CACNA2D3: variants seen among roughly 807,000 people sequenced by gnomAD.
CACNA2D3 encodes voltage-dependent calcium channel subunit alpha-2/delta-3.
Under a neutral mutation model 160.6 loss-of-function variants are expected in CACNA2D3, and 60 were observed. That is an observed-to-expected ratio of 0.37 (90% CI 0.30 to 0.46). The LOEUF (loss-of-function observed/expected upper bound fraction) is 0.46, where lower values mean the gene tolerates loss of function less well. Among genes scored for constraint, CACNA2D3 ranks in the 20% least tolerant of loss-of-function variants. The pLI, the probability that CACNA2D3 is intolerant of heterozygous loss-of-function variation, is 1.00. For missense variants in CACNA2D3, 1,205 were observed against 1,365.0 expected (o/e 0.88, Z 1.85); for synonymous variants, 558 against 492.9 (o/e 1.13, Z -1.75).
chr3:54,189,402 G>T (rs1700940013), intron 2 of CACNA2D3, among the ~76,000 whole-genome samples: 1 of 152,186 alleles, frequency 6.6e-6, no homozygotes, highest in African/African-American at 2.4e-5. Context: ...CTTACCTTAA[G>T]ACCATTTAGG....
chr3:54,987,262 C>T (rs555150407), intron 30 of CACNA2D3, among the ~76,000 whole-genome samples: 12 of 152,248 alleles, frequency 7.9e-5, no homozygotes, highest in African/African-American at 2.6e-4. Flanking sequence ...CTAAACAGGT[C>T]GTCCAGGAAT....
intron 27 of CACNA2D3, among the ~76,000 whole-genome samples, chr3:54,944,254 C>T (rs1037411868): frequency 6.6e-6 from 1 of 151,914 alleles, no homozygotes; most frequent in African/African-American, 2.4e-5. Context: ...AAATGCATAT[C>T]CTTCAGTTCT....
rs983888760 is a variant in CACNA2D3 at position 54,867,148 on chromosome 3, G to A, written c.1627-4391G>A. 4.6e-5 allele frequency among the ~76,000 whole-genome samples: 7 copies of A among 152,128 alleles called. No homozygotes were observed. In the South Asian group the frequency reaches 8.3e-4, roughly 18 times the overall value. ...TAGGCCCCGGTAACCAACTCCTCAC[G>A]CAGAAGAAGAAGAAGTGGTGGAGCC... On this transcript the variant is annotated intron_variant, in intron 17 of 37. Transcript: ENST00000474759.
intron 17 of CACNA2D3, among the ~76,000 whole-genome samples, chr3:54,848,524 G>C (rs1380262490): frequency 6.7e-6 from 1 of 149,792 alleles, no homozygotes; most frequent in Non-Finnish European, 1.5e-5. Flanking sequence ...AGACCTGTTG[G>C]TCATCTGTCC....
At chr3:54,219,801 G>A (rs886087848) in intron 2 of CACNA2D3, among the ~76,000 whole-genome samples, 3 of 152,140 alleles carry the variant, frequency 2.0e-5, no homozygotes, top group South Asian at 2.1e-4. Context: ...TGAAAGCTTG[G>A]TGGTTGTGCT....
chr3:54,945,751 A>G (rs189134498), intron 27 of CACNA2D3, among the ~76,000 whole-genome samples: 1 of 152,202 alleles, frequency 6.6e-6, no homozygotes, highest in African/African-American at 2.4e-5. Context: ...GCTTTTTTCA[A>G]GATTATAGGT....
intron 12 of CACNA2D3, among the ~76,000 whole-genome samples, chr3:54,761,713 A>G (rs955136775): frequency 1.3e-5 from 2 of 152,154 alleles, no homozygotes; most frequent in Non-Finnish European, 1.5e-5. Flanking sequence ...TTCCCCTGGG[A>G]TGGGAAAGGC....
intron 9 of CACNA2D3, chr3:54,626,110 T>C (rs1266277735): frequency 1.7e-6 from 1 of 596,082 alleles, no homozygotes; most frequent in East Asian, 2.8e-5. Context: ...AAAGTGGGGA[T>C]GCCTTTGGGG....
chr3:54,872,261 G>A (rs889800571), intron 18 of CACNA2D3, among the ~76,000 whole-genome samples: 1 of 152,180 alleles, frequency 6.6e-6, no homozygotes, highest in Admixed American at 6.5e-5. Flanking sequence ...AACCCTGTCA[G>A]GTCTTCTTGG....
intron 3 of CACNA2D3, among the ~76,000 whole-genome samples, chr3:54,370,929 A>G (rs1398382302): frequency 1.3e-5 from 2 of 150,606 alleles, no homozygotes; most frequent in East Asian, 1.9e-4. Context: ...TTCTGTTTCT[A>G]TGGATTTGCC....
chr3:54,615,562 A>G (rs1315861473), intron 9 of CACNA2D3, among the ~76,000 whole-genome samples: 1 of 152,266 alleles, frequency 6.6e-6, no homozygotes, highest in Non-Finnish European at 1.5e-5. Context: ...CACAATGAGT[A>G]GATCTTAACA....
rs1322641402 is a variant in CACNA2D3 at position 54,838,509 on chromosome 3, T to G, written c.1471-59T>G. ...GACGGTATGTGACTTCTCGTGAGATTCTATTTCTTTTGCCAAGTTAACTTA... is the reference window on the plus strand; with the variant it reads ...GACGGTATGTGACTTCTCGTGAGATGCTATTTCTTTTGCCAAGTTAACTTA... On this transcript the variant is annotated intron_variant, in intron 15 of 37. Transcript: ENST00000474759. 5 of 1,346,494 alleles carry G rather than the reference T, an allele frequency of 3.7e-6. No individual in the cohort carries two copies. In the Admixed American group the frequency reaches 6.7e-5, roughly 18 times the overall value. The allele number at this position is 1,346,494 out of a possible 1,614,324, so 83.4% of individuals were successfully genotyped here.
chr3:54,467,470 T>C (rs551174011), intron 4 of CACNA2D3, among the ~76,000 whole-genome samples: 4 of 152,336 alleles, frequency 2.6e-5, no homozygotes, highest in African/African-American at 9.6e-5. Flanking sequence ...CTTAGCTTGA[T>C]TGAGACTTGG....
At chr3:54,399,597 C>A (rs1415174567) in intron 4 of CACNA2D3, among the ~76,000 whole-genome samples, 1 of 26,312 alleles carries the variant, frequency 3.8e-5, no homozygotes, top group East Asian at 9.7e-4. Flanking sequence ...TCAGTGTGCC[C>A]CTGCTGGGGG....
chr3:54,683,931 T>C (rs1700400839), intron 11 of CACNA2D3, among the ~76,000 whole-genome samples: 1 of 151,388 alleles, frequency 6.6e-6, no homozygotes, highest in Admixed American at 6.6e-5. Flanking sequence ...CGTGGCCATC[T>C]TCCTCTGTGT....
intron 11 of CACNA2D3, among the ~76,000 whole-genome samples, chr3:54,663,401 A>G (rs1288316134): frequency 6.6e-6 from 1 of 152,186 alleles, no homozygotes; most frequent in Non-Finnish European, 1.5e-5. Flanking sequence ...TCATGCCTTC[A>G]TGGCCCTGGG....
chr3:54,965,341 A>C (rs1020583890), intron 27 of CACNA2D3, among the ~76,000 whole-genome samples: 2 of 152,096 alleles, frequency 1.3e-5, no homozygotes, highest in African/African-American at 4.8e-5. Flanking sequence ...AAGCCTCCAA[A>C]CAAATGATGG....
intron 5 of CACNA2D3, among the ~76,000 whole-genome samples, chr3:54,522,731 T>C (rs1407782820): frequency 6.6e-6 from 1 of 152,218 alleles, no homozygotes; most frequent in East Asian, 1.9e-4. Flanking sequence ...TTATTTCTGT[T>C]TTCAGGAACT....
intron 27 of CACNA2D3, among the ~76,000 whole-genome samples, chr3:54,962,584 C>T (rs1407818287): frequency 2.6e-5 from 4 of 152,290 alleles, no homozygotes; most frequent in African/African-American, 4.8e-5. Context: ...AAGCCAGAGC[C>T]GGTGCAACTC....
Sources: allele counts gnomAD v4.1 joint callset (sites outside exome capture counted in the v4.1 genomes callset), GRCh38; gene constraint gnomAD v4.1.1; transcripts MANE v1.5; gene names NCBI Gene and HGNC (gene_info 2026-07-23, HGNC 2026-07-21).